The following LAMA1 variants were observed in gnomAD, a reference collection of about 807,000 sequenced individuals.
LAMA1 encodes the protein laminin subunit alpha 1.
In LAMA1, 219 loss-of-function variants were observed where a neutral mutation model predicts 348.7. That is an observed-to-expected ratio of 0.63 (90% CI 0.56 to 0.70). The LOEUF is 0.70. Among genes scored for constraint, LAMA1 ranks in the 30% least tolerant of loss-of-function variants. The pLI is 0.00. For synonymous variants in LAMA1, 1,487 were observed against 1,491.0 expected (o/e 1.00, Z 0.06); for missense variants, 3,744 against 3,888.0 (o/e 0.96, Z 0.99).
chr18:6,992,539 C>T (rs2144074023), intron 36 of LAMA1, 22 bp downstream of exon 36: 5 of 1,613,580 alleles, frequency 3.1e-6, no homozygotes, highest in Non-Finnish European at 4.2e-6. Context: ...GGTTGCATTG[C>T]ACACAGTAAT....
At chr18:6,952,524 G>A (rs1454323688) in intron 57 of LAMA1, among the ~76,000 whole-genome samples, 1 of 152,190 alleles carries the variant, frequency 6.6e-6, no homozygotes, top group East Asian at 1.9e-4. Context: ...GCAGCACAGA[G>A]GTTACAGCAG....
In LAMA1 at chr18:7,026,002, G is replaced by A. The variant is rs145338419; in HGVS notation, c.2379C>T (p.Cys793=). Residue 793 remains cysteine, a synonymous_variant, in exon 17 of 63, where the codon TGC becomes TGT. Coordinates refer to ENST00000389658, the MANE Select transcript of LAMA1 (RefSeq NM_005559.4). Reference sequence around the variant, plus strand: ...ACTTGTTGGAGGCTATGGTGAGAGGGCAGGCGCAGGGCTGGCAGTCCCCAG... The same window carrying A: ...ACTTGTTGGAGGCTATGGTGAGAGGACAGGCGCAGGGCTGGCAGTCCCCAG... The part of the protein sequence containing the change: ...GTPGDCQPCA[C]PLTIASNNFS... 6.2e-5 allele frequency: 99 copies of A among 1,608,758 alleles called. No individual in the cohort carries two copies. The African/African-American group carries it at 1.2e-3, about 19-fold the overall frequency.
chr18:6,996,975 T>C (rs2057783928), intron 33 of LAMA1, among the ~76,000 whole-genome samples: 1 of 152,178 alleles, frequency 6.6e-6, no homozygotes, highest in Non-Finnish European at 1.5e-5. Flanking sequence ...CCTGCAACTT[T>C]AGTGCAGTGA....
chr18:6,975,619 A>G (rs1428485185), intron 45 of LAMA1, among the ~76,000 whole-genome samples: 1 of 152,224 alleles, frequency 6.6e-6, no homozygotes, highest in Non-Finnish European at 1.5e-5. Context: ...CTTGGCAAGA[A>G]AAACCTGACA....
chr18:6,964,226 A>C (rs1379464356), intron 51 of LAMA1: 1 of 261,574 alleles, frequency 3.8e-6, no homozygotes, highest in Non-Finnish European at 7.5e-6. Context: ...CTCTGAATAA[A>C]TAGAAGCAGA....
chr18:7,037,510 G>A (rs1024798134), intron 12 of LAMA1, 68 bp downstream of exon 12: 72 of 1,574,334 alleles, frequency 4.6e-5, no homozygotes, highest in Non-Finnish European at 5.5e-5. Context: ...TGCAGGCAGC[G>A]CAAGTTCTTT....
rs115950533 is a variant in LAMA1, at chr18:7,055,172, C to T, written c.346-4236G>A. 8.8e-3 allele frequency among the ~76,000 whole-genome samples: 1,323 copies of T among 151,154 alleles called. 23 individuals are homozygous for T. The highest frequency in any genetic ancestry group is 0.031 in the African/African-American group (1,278 of 41,180). On this transcript the variant is annotated intron_variant, in intron 3 of 62. Coordinates refer to ENST00000389658, the MANE Select transcript of LAMA1 (RefSeq NM_005559.4). The stretch of plus-strand genomic sequence containing the variant: ...TATATGTATATATAAAAATTTAGGC[C>T]AGGAGCGGTGGCTCATGCCTGGAAT...
intron 1 of LAMA1, among the ~76,000 whole-genome samples, chr18:7,091,642 G>A (rs1419021518): frequency 2.6e-5 from 4 of 152,224 alleles, no homozygotes; most frequent in Admixed American, 1.3e-4. Context: ...CGCGGGGCAT[G>A]TGCTGAGGAC....
At chr18:7,064,836 A>G (rs2058115993) in intron 3 of LAMA1, among the ~76,000 whole-genome samples, 1 of 152,240 alleles carries the variant, frequency 6.6e-6, no homozygotes, top group Non-Finnish European at 1.5e-5. Context: ...TTCTTAAATT[A>G]TATGATTGAC....
At chr18:6,984,520 C>A (rs2057725821) in intron 39 of LAMA1, among the ~76,000 whole-genome samples, 1 of 152,152 alleles carries the variant, frequency 6.6e-6, no homozygotes, top group African/African-American at 2.4e-5. Flanking sequence ...ACACCCCAGA[C>A]CCATTAAGTC....
At chr18:6,979,499 C>G (rs2144044439) in intron 42 of LAMA1, among the ~76,000 whole-genome samples, 1 of 152,186 alleles carries the variant, frequency 6.6e-6, no homozygotes, top group South Asian at 2.1e-4. Flanking sequence ...AAGACACGGT[C>G]TCTATAAAAC....
intron 19 of LAMA1, among the ~76,000 whole-genome samples, chr18:7,019,864 T>C (rs1229168954): frequency 6.6e-6 from 1 of 151,730 alleles, no homozygotes; most frequent in African/African-American, 2.4e-5. Context: ...GTATTTTTAG[T>C]AGAGATGGGG....
chr18:7,023,389 T>C lies in LAMA1; in HGVS notation c.2490-14A>G, dbSNP rs1425215972. On this transcript the variant is annotated splice_polypyrimidine_tract_variant and intron_variant, in intron 18 of 62. Transcript: ENST00000389658. ...CCATCTGCACATCTGTATCAAAGAT[T>C]GAAAGTGGGATCAGACAAATGCAGT... 1.9e-6 allele frequency: 3 copies of C among 1,610,562 alleles called. No homozygotes were observed. The highest frequency in any genetic ancestry group is 2.5e-6 in the Non-Finnish European group (3 of 1,176,814).
intron 39 of LAMA1, 58 bp from the exon 40 acceptor site, chr18:6,983,292 A>C (rs905624997): frequency 1.4e-5 from 22 of 1,589,754 alleles, no homozygotes; most frequent in Non-Finnish European, 1.6e-5. Flanking sequence ...TTGCCAATTC[A>C]CTCACAAAAA....
At chr18:7,056,537 T>A (rs1005436208) in intron 3 of LAMA1, among the ~76,000 whole-genome samples, 2 of 152,192 alleles carry the variant, frequency 1.3e-5, no homozygotes, top group African/African-American at 4.8e-5. Flanking sequence ...AACAAACTAC[T>A]GAGTTGCAGG....
At position 6,958,608 on chromosome 18, in the gene LAMA1, T is replaced by C. The variant is rs780677414; in HGVS notation, c.7833A>G (p.Thr2611=). Residue 2611 remains threonine (T), a synonymous_variant, in exon 55 of 63, where the codon ACA becomes ACG. Transcript: ENST00000389658. Reference sequence around the variant, plus strand: ...CATTTATCGTCCTGCTTTCTACTAATGTGCCCAACTTCATTTCCACAGGAT... The same window carrying C: ...CATTTATCGTCCTGCTTTCTACTAACGTGCCCAACTTCATTTCCACAGGAT... The part of the protein sequence containing the change: ...ENNPVEMKLG[T]LVESRTINVS... 2 of 1,614,234 alleles carry C rather than the reference T, an allele frequency of 1.2e-6. No homozygotes were observed. The highest frequency in any genetic ancestry group is 8.5e-7 in the Non-Finnish European group (1 of 1,180,034).
intron 5 of LAMA1, among the ~76,000 whole-genome samples, chr18:7,047,845 A>C (rs2058048162): frequency 6.6e-6 from 1 of 152,150 alleles, no homozygotes; most frequent in Admixed American, 6.5e-5. Flanking sequence ...AAAAGCAAAA[A>C]AAACTCTGAC....
intron 16 of LAMA1, among the ~76,000 whole-genome samples, chr18:7,027,285 C>T (rs2057948223): frequency 6.6e-6 from 1 of 152,022 alleles, no homozygotes; most frequent in African/African-American, 2.4e-5. Flanking sequence ...AATATACACA[C>T]CAAAATGGCC....
At chr18:6,968,508 A>G (rs2057643931) in intron 48 of LAMA1, among the ~76,000 whole-genome samples, 1 of 152,188 alleles carries the variant, frequency 6.6e-6, no homozygotes, top group Admixed American at 6.5e-5. Flanking sequence ...ATGTATGTGG[A>G]CATGGCCGGT....
Sources: gnomAD v4.1 joint callset for allele counts (sites outside exome capture counted in the v4.1 genomes callset) on GRCh38, gnomAD v4.1.1 for gene constraint, MANE v1.5 for transcripts, NCBI Gene and HGNC (gene_info 2026-07-23, HGNC 2026-07-21) for gene names.